ZNF804B: variants seen among roughly 807,000 people sequenced by gnomAD.
The protein encoded by ZNF804B is zinc finger 804B.
A neutral mutation model predicts 101.4 loss-of-function variants in ZNF804B; 80 were observed. The ratio of observed to expected loss-of-function variants is 0.79; its 90% confidence interval spans 0.66 to 0.95. The LOEUF (loss-of-function observed/expected upper bound fraction) is 0.95, where lower values mean the gene tolerates loss of function less well. Among genes scored for constraint, ZNF804B ranks in the 40% least tolerant of loss-of-function variants. The pLI is 0.00. For missense variants in ZNF804B, 1,673 were observed against 1,561.9 expected (o/e 1.07, Z -1.20); for synonymous variants, 622 against 558.8 (o/e 1.11, Z -1.59).
At chr7:88,787,648 A>G (rs1177530427) in intron 1 of ZNF804B, among the ~76,000 whole-genome samples, 1 of 152,192 alleles carries the variant, frequency 6.6e-6, no homozygotes, top group Non-Finnish European at 1.5e-5. Context: ...GTTAACACCA[A>G]TAACTAATCG....
intron 1 of ZNF804B, among the ~76,000 whole-genome samples, chr7:89,010,193 C>T (rs543461493): frequency 6.6e-6 from 1 of 151,902 alleles, no homozygotes. Flanking sequence ...TTACCTTTTT[C>T]AAGTGACATT....
chr7:88,870,270 A>G (rs1165875921), intron 1 of ZNF804B, among the ~76,000 whole-genome samples: 1 of 150,548 alleles, frequency 6.6e-6, no homozygotes, highest in Non-Finnish European at 1.5e-5. Flanking sequence ...CTGTAGTCCC[A>G]GCTACACGGG....
At chr7:89,272,063 T>G (rs1488110926) in intron 2 of ZNF804B, among the ~76,000 whole-genome samples, 1 of 152,088 alleles carries the variant, frequency 6.6e-6, no homozygotes, top group Non-Finnish European at 1.5e-5. Context: ...ATTATTCTCA[T>G]TTTTTCTCAA....
intron 3 of ZNF804B, among the ~76,000 whole-genome samples, chr7:89,329,721 G>A (rs777789960): frequency 2.0e-5 from 3 of 151,562 alleles, no homozygotes; most frequent in Non-Finnish European, 4.4e-5. Flanking sequence ...AACTTCTTAT[G>A]TATGTAAGTT....
intron 1 of ZNF804B, among the ~76,000 whole-genome samples, chr7:89,127,184 A>G (rs1338541664): frequency 6.6e-6 from 1 of 151,970 alleles, no homozygotes; most frequent in Non-Finnish European, 1.5e-5. Context: ...GGAAAACACT[A>G]GAGGAGAAAA....
chr7:89,046,155 T>C (rs1004020265), intron 1 of ZNF804B, among the ~76,000 whole-genome samples: 9 of 150,584 alleles, frequency 6.0e-5, no homozygotes, highest in African/African-American at 2.2e-4. Context: ...CCTGCCATCA[T>C]GTGAAGAAGG....
At chr7:89,048,338 T>A (rs990067511) in intron 1 of ZNF804B, among the ~76,000 whole-genome samples, 1 of 151,886 alleles carries the variant, frequency 6.6e-6, no homozygotes, top group African/African-American at 2.4e-5. Context: ...AAGTCTTTTT[T>A]AAAAGGACTG....
chr7:89,249,540 A>G (rs1364933066), intron 2 of ZNF804B, among the ~76,000 whole-genome samples: 1 of 152,212 alleles, frequency 6.6e-6, no homozygotes, highest in African/African-American at 2.4e-5. Flanking sequence ...ACTTTTGGGT[A>G]AATAACAAAA....
intron 1 of ZNF804B, among the ~76,000 whole-genome samples, chr7:88,906,870 C>A (rs1451851089): frequency 6.6e-6 from 1 of 151,976 alleles, no homozygotes; most frequent in African/African-American, 2.4e-5. Flanking sequence ...CTGTTTAAGT[C>A]TTTTCATAGG....
intron 1 of ZNF804B, among the ~76,000 whole-genome samples, chr7:88,787,949 A>G (rs1230032179): frequency 1.3e-5 from 2 of 152,188 alleles, no homozygotes; most frequent in Non-Finnish European, 2.9e-5. Flanking sequence ...AAAACAGATG[A>G]GGATTGGATT....
chr7:89,147,095 A>G (rs1043806201), intron 1 of ZNF804B, among the ~76,000 whole-genome samples: 1 of 149,980 alleles, frequency 6.7e-6, no homozygotes, highest in Non-Finnish European at 1.5e-5. Flanking sequence ...ATATATATAT[A>G]TATATATTTA....
chr7:89,015,425 T>A (rs1271716703), intron 1 of ZNF804B, among the ~76,000 whole-genome samples: 1 of 152,018 alleles, frequency 6.6e-6, no homozygotes, highest in Non-Finnish European at 1.5e-5. Context: ...TATGCTGGTG[T>A]GCTGCACCCA....
In ZNF804B at chr7:89,327,463, G is replaced by A. The variant is rs2115983217; in HGVS notation, c.369G>A (p.Gln123=). ...KRLHQLAELR[Q]QSECVSGNGP... is the part of the protein sequence containing the mutation. ...TTCATCAGCTGGCTGAGTTAAGGCA[G>A]CAATCTGAATGGTAAGAATTAAAGG... Residue 123 remains glutamine, a synonymous_variant, in exon 3 of 4, where the codon CAG becomes CAA. Coordinates refer to ENST00000333190, the MANE Select transcript of ZNF804B (RefSeq NM_181646.5). 1 of 1,609,848 alleles carries A rather than the reference G, an allele frequency of 6.2e-7. No individual in the cohort carries two copies. Among genetic ancestry groups the A allele is most frequent in the South Asian group, 1.1e-5 (1 of 90,434 alleles).
rs762789213 is a variant in ZNF804B at position 89,334,382 on chromosome 7, C to T, written c.1400C>T (p.Thr467Ile). 1.2e-6 allele frequency: 2 copies of T among 1,613,692 alleles called. No individual in the cohort carries two copies. The highest frequency in any genetic ancestry group is 1.3e-5 in the African/African-American group (1 of 74,896). ...WPTELLLFTK[T>I]EPCISYGCNP... ...ACGGAACTTCTGCTCTTTACAAAAA[C>T]AGAACCCTGTATCTCTTATGGCTGC... The change falls in exon 4 of 4, where the codon ACA becomes ATA. Residue 467 changes from threonine to isoleucine, a missense_variant. Physicochemically the swap from Thr to Ile is moderately conservative, Grantham distance 89. Transcript: ENST00000333190.
chr7:89,211,741 C>T (rs1055974918), intron 1 of ZNF804B, among the ~76,000 whole-genome samples: 1 of 152,170 alleles, frequency 6.6e-6, no homozygotes, highest in Non-Finnish European at 1.5e-5. Flanking sequence ...GTTTTGGTTA[C>T]TGTAGCCTTG....
At chr7:88,839,463 T>C (rs991061505) in intron 1 of ZNF804B, among the ~76,000 whole-genome samples, 1 of 152,046 alleles carries the variant, frequency 6.6e-6, no homozygotes, top group Non-Finnish European at 1.5e-5. Context: ...ATATGCTCAA[T>C]GTTGCACAGC....
intron 1 of ZNF804B, among the ~76,000 whole-genome samples, chr7:89,179,702 G>A (rs1189733783): frequency 6.6e-6 from 1 of 152,140 alleles, no homozygotes; most frequent in Non-Finnish European, 1.5e-5. Context: ...GCTTGTGGGT[G>A]TTCATCAATG....
intron 1 of ZNF804B, among the ~76,000 whole-genome samples, chr7:88,775,844 A>C (rs183838099): frequency 6.6e-6 from 1 of 152,340 alleles, no homozygotes; most frequent in East Asian, 1.9e-4. Context: ...ATTTGAAAAT[A>C]AAATTGTGAT....
chr7:88,861,102 C>G (rs978257283), intron 1 of ZNF804B, among the ~76,000 whole-genome samples: 1 of 152,070 alleles, frequency 6.6e-6, no homozygotes, highest in African/African-American at 2.4e-5. Context: ...TATTAATCTA[C>G]TAGAGTGTTC....
Sources: gnomAD v4.1 joint callset for allele counts (sites outside exome capture counted in the v4.1 genomes callset) on GRCh38, gnomAD v4.1.1 for gene constraint, MANE v1.5 for transcripts, NCBI Gene and HGNC (gene_info 2026-07-23, HGNC 2026-07-21) for gene names.